RELN: variants seen among roughly 807,000 people sequenced by gnomAD.
The protein encoded by RELN is reelin.
In RELN, 108 loss-of-function variants were observed where a neutral mutation model predicts 427.6. That is an observed-to-expected ratio of 0.25 (90% CI 0.22 to 0.30). RELN has a LOEUF of 0.30. Ranked by LOEUF, RELN falls within the 10% of genes least tolerant of loss-of-function variation. RELN has a pLI of 1.00. For synonymous variants in RELN, 1,524 were observed against 1,513.4 expected (o/e 1.01, Z -0.16); for missense variants, 3,715 against 4,302.8 (o/e 0.86, Z 3.82).
At chr7:103,674,737 C>A (rs766596016) in intron 11 of RELN, among the ~76,000 whole-genome samples, 17 of 152,070 alleles carry the variant, frequency 1.1e-4, no homozygotes, top group Non-Finnish European at 2.4e-4. Flanking sequence ...TCAACACATG[C>A]AAATCAATAA....
intron 8 of RELN, among the ~76,000 whole-genome samples, chr7:103,707,011 G>A (rs1261220958): frequency 1.3e-5 from 2 of 152,074 alleles, no homozygotes; most frequent in African/African-American, 2.4e-5. Flanking sequence ...GTCTCACTGT[G>A]TTGCACAGGC....
chr7:103,912,474 G>A (rs1795391794), intron 2 of RELN, among the ~76,000 whole-genome samples: 2 of 152,200 alleles, frequency 1.3e-5, no homozygotes, highest in Admixed American at 1.3e-4. Context: ...GTGACCCACT[G>A]TGCCCAGCCT....
At chr7:103,582,723 T>C (rs904790712) in intron 28 of RELN, among the ~76,000 whole-genome samples, 1 of 152,108 alleles carries the variant, frequency 6.6e-6, no homozygotes, top group Non-Finnish European at 1.5e-5. Context: ...AAACTGGTGA[T>C]AAATTAGGTG....
At chr7:103,753,748 T>C (rs1791063865) in intron 4 of RELN, among the ~76,000 whole-genome samples, 1 of 152,254 alleles carries the variant, frequency 6.6e-6, no homozygotes, top group African/African-American at 2.4e-5. Context: ...ATTTTAACTG[T>C]AATTTCCAGT....
At chr7:103,928,800 C>T (rs186756106) in intron 1 of RELN, among the ~76,000 whole-genome samples, 106 of 150,496 alleles carry the variant, frequency 7.0e-4, no homozygotes, top group Non-Finnish European at 1.1e-3. Flanking sequence ...GATGATGAGC[C>T]AACATTGCAG....
intron 24 of RELN, among the ~76,000 whole-genome samples, chr7:103,602,800 T>C (rs1450908734): frequency 1.3e-5 from 2 of 152,088 alleles, no homozygotes; most frequent in African/African-American, 2.4e-5. Flanking sequence ...CTGCACGTTC[T>C]GCACATGTAC....
intron 9 of RELN, among the ~76,000 whole-genome samples, chr7:103,698,418 T>C (rs981901707): frequency 1.3e-5 from 2 of 152,050 alleles, no homozygotes; most frequent in African/African-American, 4.8e-5. Flanking sequence ...TGTAAAAAAA[T>C]TACAAATCAC....
At chr7:103,622,098 T>C (rs764040478) in intron 20 of RELN, among the ~76,000 whole-genome samples, 1 of 152,202 alleles carries the variant, frequency 6.6e-6, no homozygotes, top group Non-Finnish European at 1.5e-5. Flanking sequence ...ATCTAAACCA[T>C]CAAATGTAGA....
chr7:103,878,950 T>C (rs917320153), intron 2 of RELN, among the ~76,000 whole-genome samples: 4 of 152,174 alleles, frequency 2.6e-5, no homozygotes, highest in African/African-American at 9.7e-5. Context: ...TGGAGTGAAG[T>C]CATAACTCAG....
chr7:103,882,850 C>T (rs907828187), intron 2 of RELN, among the ~76,000 whole-genome samples: 1 of 152,146 alleles, frequency 6.6e-6, no homozygotes, highest in Non-Finnish European at 1.5e-5. Flanking sequence ...CCGAATTCTA[C>T]CAGAGGTATA....
chr7:103,568,337 C>G (rs362730), intron 31 of RELN, among the ~76,000 whole-genome samples: 5 of 152,042 alleles, frequency 3.3e-5, no homozygotes, highest in African/African-American at 1.2e-4. Flanking sequence ...GACAAATATG[C>G]TAAAATTAGA....
chr7:103,792,074 A>C (rs1051260677), intron 3 of RELN, among the ~76,000 whole-genome samples: 1 of 152,234 alleles, frequency 6.6e-6, no homozygotes, highest in Non-Finnish European at 1.5e-5. Flanking sequence ...ATAAGTGTTG[A>C]CAAGGATGTG....
Position 103,519,376 on chromosome 7 carries a change from G to A in RELN, c.7809C>T (p.Gly2603=), listed in dbSNP as rs1172845925. The A allele has an allele frequency of 6.2e-7, 1 of 1,614,048 alleles. No individual in the cohort carries two copies. Among genetic ancestry groups the A allele is most frequent in the Admixed American group, 1.7e-5 (1 of 60,012 alleles). The change falls in exon 49 of 65, where the codon GGC becomes GGT. Residue 2603 remains glycine (G), a synonymous_variant. Coordinates refer to ENST00000428762, the MANE Select transcript of RELN (RefSeq NM_005045.4). The part of the protein sequence containing the change: ...GVLLEYSVNG[G]ITWNLLMEIF... Reference sequence around the variant, plus strand: ...TCTCCATGAGCAGGTTCCAGGTAATGCCTCCATTGACAGAATATTCCAAGA... The same window carrying A: ...TCTCCATGAGCAGGTTCCAGGTAATACCTCCATTGACAGAATATTCCAAGA...
intron 46 of RELN, among the ~76,000 whole-genome samples, chr7:103,526,681 G>A (rs1168879930): frequency 6.6e-6 from 1 of 152,198 alleles, no homozygotes; most frequent in Non-Finnish European, 1.5e-5. Context: ...CCCTGTCAGA[G>A]CTCCACTGTG....
intron 8 of RELN, among the ~76,000 whole-genome samples, chr7:103,715,114 T>C (rs540006703): frequency 2.0e-5 from 3 of 152,104 alleles, no homozygotes; most frequent in Non-Finnish European, 4.4e-5. Flanking sequence ...AAAATACCCA[T>C]GGGGGAATTT....
intron 2 of RELN, among the ~76,000 whole-genome samples, chr7:103,852,909 G>T (rs1316612191): frequency 1.3e-5 from 2 of 151,774 alleles, no homozygotes; most frequent in African/African-American, 4.8e-5. Context: ...ATAGTGCCTA[G>T]ACAAGACAAA....
intron 3 of RELN, among the ~76,000 whole-genome samples, chr7:103,814,269 G>A (rs1029508898): frequency 6.6e-6 from 1 of 152,282 alleles, no homozygotes; most frequent in Non-Finnish European, 1.5e-5. Flanking sequence ...CTAGCAGAGT[G>A]GATGGCAACA....
intron 2 of RELN, among the ~76,000 whole-genome samples, chr7:103,860,256 G>C (rs996255533): frequency 1.3e-5 from 2 of 152,074 alleles, no homozygotes; most frequent in African/African-American, 2.4e-5. Flanking sequence ...AATTCTGTGA[G>C]GCAAATATTT....
intron 2 of RELN, among the ~76,000 whole-genome samples, chr7:103,912,347 G>T (rs142973463): frequency 9.5e-4 from 144 of 151,990 alleles, no homozygotes; most frequent in Non-Finnish European, 1.6e-3. Context: ...ACCATGCCTG[G>T]CTAATTTTTT....
Sources: allele counts gnomAD v4.1 joint callset (sites outside exome capture counted in the v4.1 genomes callset), GRCh38; gene constraint gnomAD v4.1.1; transcripts MANE v1.5; gene names NCBI Gene and HGNC (gene_info 2026-07-23, HGNC 2026-07-21).